The following SLC9A6 variants were observed in gnomAD, a reference collection of about 807,000 sequenced individuals.
The protein encoded by SLC9A6 is solute carrier family 9 member A6.
In SLC9A6, 6 loss-of-function variants were observed where a neutral mutation model predicts 45.3. That is an observed-to-expected ratio of 0.13 (90% CI 0.07 to 0.26). SLC9A6 has a LOEUF of 0.26. Among genes scored for constraint, SLC9A6 ranks in the 10% least tolerant of loss-of-function variants. SLC9A6 has a pLI of 1.00. For synonymous variants in SLC9A6, 191 were observed against 187.7 expected, an observed-to-expected ratio of 1.02 and a Z score of -0.14; for missense variants, 278 against 503.7, an observed-to-expected ratio of 0.55 and a Z score of 4.29.
chrX:136,037,468 C>T (rs2071430890), intron 16 of SLC9A6, among the ~76,000 whole-genome samples: 2 of 112,484 alleles, frequency 1.8e-5, no homozygotes, highest in Admixed American at 1.9e-4. Flanking sequence ...AGATTTATTC[C>T]TAAGTATTTG....
intron 17 of SLC9A6, among the ~76,000 whole-genome samples, chrX:136,042,238 G>A (rs782343865): frequency 3.7e-5 from 4 of 107,933 alleles, no homozygotes; most frequent in Non-Finnish European, 5.8e-5. Context: ...GCAGTGGCGC[G>A]ATCTTGGCTC....
intron 11 of SLC9A6, among the ~76,000 whole-genome samples, chrX:136,017,424 A>AAAAAAACC (rs782008338): frequency 2.7e-5 from 3 of 109,780 alleles, no homozygotes; most frequent in South Asian, 3.9e-4. Flanking sequence ...TCTCAAAAAA[A>AAAAAAACC]AAAAAACCAA....
intron 16 of SLC9A6, among the ~76,000 whole-genome samples, chrX:136,037,467 C>A (rs1329379177): frequency 2.7e-5 from 3 of 112,306 alleles, no homozygotes; most frequent in African/African-American, 9.7e-5. Context: ...TAGATTTATT[C>A]CTAAGTATTT....
At position 136,020,354 on chromosome X, in the gene SLC9A6, ATTACTTTTTTTTT is replaced by A. The variant is rs1556619779; in HGVS notation, c.1195-2230_1195-2218del. Among the ~76,000 whole-genome samples, 939 of 110,591 alleles carry A rather than the reference ATTACTTTTTTTTT, an allele frequency of 8.5e-3. 9 individuals are homozygous for A. The highest frequency in any genetic ancestry group is 0.03 in the African/African-American group (904 of 30,417). ...TTTATTCAGTCATTTTTTAATTATT[ATTACTTTTTTTTT>A]TGAGACAGAATTTCACTCTTGTTGC... On this transcript the variant is annotated intron_variant, in intron 11 of 17. Coordinates refer to ENST00000630721, the MANE Select transcript of SLC9A6 (RefSeq NM_001379110.1).
At chrX:136,037,094 C>T (rs944656944) in intron 16 of SLC9A6, among the ~76,000 whole-genome samples, 4 of 112,527 alleles carry the variant, frequency 3.6e-5, no homozygotes, top group Non-Finnish European at 7.5e-5. Context: ...CAATACCACA[C>T]CCTTTTTATT....
intron 9 of SLC9A6, 123 bp downstream of exon 9, chrX:136,013,177 T>G: frequency 1.4e-6 from 1 of 702,671 alleles, no homozygotes; most frequent in Non-Finnish European, 2.3e-6. Flanking sequence ...GGATTTAGGT[T>G]GTTGCTTTAG....
rs1395246172 is a variant in SLC9A6 at position 135,998,509 on chromosome X, A to G, written c.475A>G (p.Ile159Val). 2.5e-6 allele frequency: 3 copies of G among 1,184,362 alleles called. No homozygotes were observed. Among genetic ancestry groups the G allele is most frequent in the African/African-American group, 1.8e-5 (1 of 54,793 alleles). Residue 159 changes from isoleucine (I) to valine (V), a missense_variant, in exon 5 of 18, where the codon ATC (isoleucine) becomes GTC (valine). Ile to Val is a conservative substitution (Grantham distance 29, BLOSUM62 3). Around this residue, in one of 5 missense-constraint regions of SLC9A6, gnomAD observed 118 missense variants for 209.9 expected, o/e 0.56. Coordinates refer to ENST00000630721, the MANE Select transcript of SLC9A6 (RefSeq NM_001379110.1). ...RRHFFRNLGS[I>V]LAYAFLGTAI... ...ACATTTTTTTCGAAATCTTGGGTCT[A>G]TCCTAGCATACGCTTTTCTTGGAAC...
chrX:136,032,916 T>G lies in SLC9A6; in HGVS notation c.1582-498T>G, dbSNP rs1390586950. The G allele has an allele frequency of 4.2e-5, 5 of 119,954 alleles. No homozygotes were observed. In the Admixed American group the frequency reaches 4.3e-4, roughly 10 times the overall value. The allele number at this position is 119,954 out of a possible 1,213,427, so 9.9% of individuals were successfully genotyped here. The stretch of plus-strand genomic sequence containing the variant: ...TCTCGCTCTGTCGCCGAGTCTGGAG[T>G]GCAGTGGCACGATCTCGGCTCACTG... On this transcript the variant is annotated intron_variant, in intron 15 of 17. Coordinates refer to ENST00000630721, the MANE Select transcript of SLC9A6 (RefSeq NM_001379110.1).
chrX:135,985,242 T>G (rs782617882), upstream of SLC9A6: 3 of 269,555 alleles, frequency 1.1e-5, no homozygotes, highest in East Asian at 1.2e-4. Flanking sequence ...ACTGAGCCGA[T>G]GTTTCTTTAG....
Position 135,998,866 on chromosome X carries a change from T to G in SLC9A6, c.535T>G (p.Tyr179Asp). 1 of 1,191,955 alleles carries G rather than the reference T, an allele frequency of 8.4e-7. No homozygotes were observed. The highest frequency in any genetic ancestry group is 1.1e-6 in the Non-Finnish European group (1 of 877,330). The change falls in exon 6 of 18, where the codon TAT becomes GAT. Residue 179 changes from tyrosine (Y) to aspartate (D), a missense_variant. By Grantham distance (160) the Tyr-to-Asp change is radical. Transcript: ENST00000630721. ...ISCFVIGSIM[Y>D]GCVTLMKVTG... ...GTGTTTATTGAACAGGTCAATAATG[T>G]ATGGCTGTGTAACGCTGATGAAGGT...
chrX:136,034,284 CGAGGGA>C, intron 16 of SLC9A6, among the ~76,000 whole-genome samples: 1 of 110,001 alleles, frequency 9.1e-6, no homozygotes. Context: ...ACTGCACTTG[CGAGGGA>C]TCTAGGTTAC....
chrX:135,998,355 T>TATCCTAGTGAATAATGCATTTA (rs1162836353), intron 4 of SLC9A6, 127 bp from the exon 5 acceptor site: 1 of 561,451 alleles, frequency 1.8e-6, no homozygotes, highest in Non-Finnish European at 2.9e-6. Flanking sequence ...TTCTCTTATT[T>TATCCTAGTGAATAATGCATTTA]ATCCTAGTGA....
chrX:135,988,876 C>A (rs1177505203), intron 2 of SLC9A6, among the ~76,000 whole-genome samples: 1 of 111,131 alleles, frequency 9.0e-6, no homozygotes, highest in African/African-American at 3.3e-5. Flanking sequence ...TCACCTTGGC[C>A]TCCCAAAGTG....
intron 1 of SLC9A6, chrX:135,974,878 G>A (rs1229304337): frequency 7.6e-6 from 2 of 262,060 alleles, no homozygotes; most frequent in Admixed American, 5.0e-5. Context: ...AAATGAAAGA[G>A]GAAATTTTAA....
intron 6 of SLC9A6, among the ~76,000 whole-genome samples, chrX:135,999,475 G>A (rs1556617098): frequency 8.9e-6 from 1 of 111,955 alleles, no homozygotes; most frequent in East Asian, 2.8e-4. Flanking sequence ...TGGAGTCATT[G>A]GAGGACTTTA....
chrX:135,999,023 A>G lies in SLC9A6; in HGVS notation c.637+55A>G. 3 of 747,439 alleles carry G rather than the reference A, an allele frequency of 4.0e-6. No homozygotes were observed. The South Asian group carries it at 6.3e-5, about 16-fold the overall frequency. 61.6% of individuals were successfully genotyped at this position (747,439 alleles called of 1,213,427 possible). A position where few individuals can be genotyped will look rare whatever the true frequency, so the allele number is the denominator to read the frequency against. On this transcript the variant is annotated intron_variant, in intron 6 of 17. Transcript: ENST00000630721. ...CTTGAGGTGCATTGTTTTGCAGTCA[A>G]ATACATGTGGGTTTTTCTTTCTTTG...
intron 2 of SLC9A6, among the ~76,000 whole-genome samples, chrX:135,993,207 T>C (rs1375876861): frequency 8.9e-6 from 1 of 111,853 alleles, no homozygotes; most frequent in Non-Finnish European, 1.9e-5. Context: ...AGGAGTTCAT[T>C]TATATGAAAT....
rs111924442 is a variant in SLC9A6, at chrX:135,998,053, A to G, written c.370-55A>G. On this transcript the variant is annotated intron_variant, in intron 3 of 17. Coordinates refer to ENST00000630721, the MANE Select transcript of SLC9A6 (RefSeq NM_001379110.1). The stretch of plus-strand genomic sequence containing the variant: ...ATTTTTTCTTTTTGATCATTTGATA[A>G]TGGAATATGAGGTCTTCTAGGGAAT... The G allele has an allele frequency of 6.1e-5, 39 of 634,440 alleles. 1 individual carries two copies. Among genetic ancestry groups the G allele is most frequent in the African/African-American group, 2.6e-4 (12 of 45,985 alleles). The allele number at this position is 634,440 out of a possible 1,213,427, so 52.3% of individuals were successfully genotyped here. A position where few individuals can be genotyped will look rare whatever the true frequency, so the allele number is the denominator to read the frequency against.
chrX:136,013,572 A>G, intron 10 of SLC9A6, 135 bp downstream of exon 10: 1 of 445,266 alleles, frequency 2.2e-6, no homozygotes, highest in Non-Finnish European at 3.9e-6. Context: ...TCTTCCTTTG[A>G]CTCTAAAAGT....
Sources: gnomAD v4.1 joint callset for allele counts (sites outside exome capture counted in the v4.1 genomes callset) on GRCh38, gnomAD v4.1.1 for gene constraint, gnomAD v4.1.1 regional missense constraint, MANE v1.5 for transcripts, NCBI Gene and HGNC (gene_info 2026-07-23, HGNC 2026-07-21) for gene names.